The following BARD1 variants were observed in gnomAD, a reference collection of about 807,000 sequenced individuals.
BARD1 encodes the protein BRCA1-associated RING domain protein 1.
In BARD1, 73 loss-of-function variants were observed where a neutral mutation model predicts 77.0. The observed-to-expected ratio is 0.95, with a 90% CI of 0.79 to 1.15. The LOEUF (loss-of-function observed/expected upper bound fraction) is 1.15, where lower values mean the gene tolerates loss of function less well. BARD1 is among the 50% of genes most tolerant of loss of function. The pLI, the probability that BARD1 is intolerant of heterozygous loss-of-function variation, is 0.00. For synonymous variants in BARD1, 384 were observed against 338.0 expected, an observed-to-expected ratio of 1.14 and a Z score of -1.49; for missense variants, 993 against 938.8, an observed-to-expected ratio of 1.06 and a Z score of -0.75.
intron 6 of BARD1, among the ~76,000 whole-genome samples, chr2:214,755,395 T>C (rs1482348156): frequency 6.6e-6 from 1 of 152,196 alleles, no homozygotes; most frequent in East Asian, 1.9e-4. Flanking sequence ...AATTCTCTCT[T>C]TTCTAGCATG....
intron 1 of BARD1, among the ~76,000 whole-genome samples, chr2:214,799,335 AATTT>A (rs1391182202): frequency 2.6e-5 from 4 of 152,002 alleles, no homozygotes; most frequent in Non-Finnish European, 5.9e-5. Context: ...AAAGACATAA[AATTT>A]ATTTGGTAGC....
intron 9 of BARD1, among the ~76,000 whole-genome samples, chr2:214,736,158 T>A (rs779627950): frequency 3.3e-5 from 5 of 152,062 alleles, no homozygotes; most frequent in Non-Finnish European, 7.4e-5. Flanking sequence ...ATTAAAAACC[T>A]TTCTAATAAA....
chr2:214,779,978 C>G (rs1384581401), intron 4 of BARD1, among the ~76,000 whole-genome samples: 1 of 152,142 alleles, frequency 6.6e-6, no homozygotes, highest in Non-Finnish European at 1.5e-5. Context: ...TGCCACATCT[C>G]AGGTGTTGAG....
chr2:214,749,120 G>A (rs953556401), intron 7 of BARD1, among the ~76,000 whole-genome samples: 3 of 151,766 alleles, frequency 2.0e-5, no homozygotes, highest in Admixed American at 6.6e-5. Context: ...TCTCTGCTAA[G>A]ACGATGCTAG....
intron 9 of BARD1, among the ~76,000 whole-genome samples, chr2:214,744,605 T>C (rs567126827): frequency 3.3e-5 from 5 of 152,296 alleles, no homozygotes; most frequent in Admixed American, 1.3e-4. Context: ...GACATCTAAA[T>C]GACACCATAA....
intron 2 of BARD1, 147 bp from the exon 3 acceptor site, chr2:214,792,592 T>A (rs1162623508): frequency 6.1e-6 from 5 of 817,168 alleles, no homozygotes; most frequent in Non-Finnish European, 9.2e-6. Flanking sequence ...AATACTGTTT[T>A]AAAGAGTAAA....
rs78238082 is a variant in BARD1 at position 214,726,244 on chromosome 2, T to G, written c.*2432A>C. The G allele has an allele frequency of 4.9e-6, 1 of 203,880 alleles. No homozygotes were observed. Among genetic ancestry groups the G allele is most frequent in the Non-Finnish European group, 1.0e-5 (1 of 99,440 alleles). 12.6% of individuals were successfully genotyped at this position (203,880 alleles called of 1,614,324 possible). Reference sequence around the variant, plus strand: ...AAAGAAAAAACAATTGAGATAGATATGGTAAAGTATTAGCAGAGACAGAAA... The same window carrying G: ...AAAGAAAAAACAATTGAGATAGATAGGGTAAAGTATTAGCAGAGACAGAAA... On this transcript the variant is annotated 3_prime_UTR_variant, in exon 11 of 11. Transcript: ENST00000260947.
chr2:214,787,926 A>G (rs570935731), intron 3 of BARD1, among the ~76,000 whole-genome samples: 1 of 152,148 alleles, frequency 6.6e-6, no homozygotes, highest in East Asian at 1.9e-4. Flanking sequence ...CTTATTAAAA[A>G]TCAAAGGAAA....
chr2:214,728,540 T>TTC lies in BARD1; in HGVS notation c.*135_*136insGA, dbSNP rs1419891523. ...GAATTCCTAATCTGGCATTAGACTT[T>TTC]TTTTTTTTTTTTGATTCAAAGACAA... On this transcript the variant is annotated 3_prime_UTR_variant, in exon 11 of 11. Coordinates refer to ENST00000260947, the MANE Select transcript of BARD1 (RefSeq NM_000465.4). 1.1e-5 allele frequency: 9 copies of TTC among 796,604 alleles called. No individual in the cohort carries two copies. In the South Asian group the frequency reaches 1.6e-4, roughly 14 times the overall value. The allele number at this position is 796,604 out of a possible 1,614,324, so 49.3% of individuals were successfully genotyped here.
chr2:214,757,257 C>T (rs1165534630), intron 6 of BARD1, among the ~76,000 whole-genome samples: 2 of 151,350 alleles, frequency 1.3e-5, no homozygotes, highest in East Asian at 3.9e-4. Flanking sequence ...TTTTCTGTTC[C>T]TTGACAACAC....
intron 6 of BARD1, among the ~76,000 whole-genome samples, chr2:214,757,319 C>T (rs1693740056): frequency 6.6e-6 from 1 of 151,722 alleles, no homozygotes; most frequent in African/African-American, 2.4e-5. Flanking sequence ...TACTCTTGCG[C>T]TATTCCTTTA....
chr2:214,799,096 G>A (rs1695893461), intron 1 of BARD1, among the ~76,000 whole-genome samples: 1 of 152,064 alleles, frequency 6.6e-6, no homozygotes. Context: ...CAGACTGGGT[G>A]ACAGAGCGAG....
rs1484323229 is a variant in BARD1 at position 214,728,412 on chromosome 2, C to G, written c.*264G>C. The G allele has an allele frequency of 4.3e-6, 2 of 465,436 alleles. No homozygotes were observed. Among genetic ancestry groups the G allele is most frequent in the African/African-American group, 3.9e-5 (2 of 51,396 alleles). The allele number at this position is 465,436 out of a possible 1,614,324, so 28.8% of individuals were successfully genotyped here. On this transcript the variant is annotated 3_prime_UTR_variant, in exon 11 of 11. Coordinates refer to ENST00000260947, the MANE Select transcript of BARD1 (RefSeq NM_000465.4). Reference sequence around the variant, plus strand: ...CTGGTGTCCTCATTAATCTTTGATACCCAATAATCTGAATAGAAAGACATG... The same window carrying G: ...CTGGTGTCCTCATTAATCTTTGATAGCCAATAATCTGAATAGAAAGACATG...
chr2:214,788,465 C>A (rs933333026), intron 3 of BARD1, among the ~76,000 whole-genome samples: 5 of 151,996 alleles, frequency 3.3e-5, no homozygotes, highest in African/African-American at 1.2e-4. Context: ...AATTAGGCTT[C>A]TTTATCTCCA....
chr2:214,751,079 C>CTGTG (rs760986670), intron 7 of BARD1, among the ~76,000 whole-genome samples: 1,200 of 38,560 alleles, frequency 0.031, 19 homozygotes, highest in Non-Finnish European at 0.044. Flanking sequence ...CTGTGAAATT[C>CTGTG]TGTGTGTGTG....
chr2:214,803,283 G>T (rs1219281792), intron 1 of BARD1, among the ~76,000 whole-genome samples: 1 of 151,998 alleles, frequency 6.6e-6, no homozygotes, highest in Non-Finnish European at 1.5e-5. Flanking sequence ...AGACCTGACC[G>T]TCCCCCAGCC....
chr2:214,728,502 G>A lies in BARD1; in HGVS notation c.*174C>T. ...TAAAAGCAATCCCAGCTTCTAAATG[G>A]TAAACATAACATGAATTCCTAATCT... On this transcript the variant is annotated 3_prime_UTR_variant, in exon 11 of 11. Coordinates refer to ENST00000260947, the MANE Select transcript of BARD1 (RefSeq NM_000465.4). The A allele has an allele frequency of 4.5e-6, 3 of 668,928 alleles. No individual in the cohort carries two copies. Among genetic ancestry groups the A allele is most frequent in the Non-Finnish European group, 7.4e-6 (3 of 407,176 alleles). 41.4% of individuals were successfully genotyped at this position (668,928 alleles called of 1,614,324 possible).
intron 3 of BARD1, among the ~76,000 whole-genome samples, chr2:214,786,333 T>C (rs1215666849): frequency 6.6e-6 from 1 of 151,948 alleles, no homozygotes; most frequent in African/African-American, 2.4e-5. Flanking sequence ...TCATCTATTA[T>C]TTTTTATTTC....
intron 9 of BARD1, among the ~76,000 whole-genome samples, chr2:214,741,654 G>A (rs2106011321): frequency 6.6e-6 from 1 of 152,132 alleles, no homozygotes; most frequent in Non-Finnish European, 1.5e-5. Flanking sequence ...TTGAAGGAGG[G>A]ACTTTTCTTA....
Sources: allele counts gnomAD v4.1 joint callset (sites outside exome capture counted in the v4.1 genomes callset), GRCh38; gene constraint gnomAD v4.1.1; transcripts MANE v1.5; gene names NCBI Gene and HGNC (gene_info 2026-07-23, HGNC 2026-07-21).